PDSS1: variants seen among roughly 807,000 people sequenced by gnomAD.
PDSS1 encodes the protein decaprenyl diphosphate synthase subunit 1.
PDSS1 carries 43 observed loss-of-function variants against 57.5 expected under a neutral mutation model. The ratio of observed to expected loss-of-function variants is 0.75; its 90% CI spans 0.59 to 0.96. The LOEUF is 0.96. Ranked by LOEUF, PDSS1 falls within the 50% of genes least tolerant of loss-of-function variation. The pLI is 0.00. For missense variants in PDSS1, 438 were observed against 527.8 expected, an observed-to-expected ratio of 0.83 and a Z score of 1.67; for synonymous variants, 175 against 191.3, an observed-to-expected ratio of 0.91 and a Z score of 0.70.
At chr10:26,721,545 G>A (rs772549984) in intron 6 of PDSS1, among the ~76,000 whole-genome samples, 7 of 151,866 alleles carry the variant, frequency 4.6e-5, no homozygotes, top group Non-Finnish European at 8.8e-5. Flanking sequence ...TCATTTATAT[G>A]CCTTTTATTT....
chr10:26,720,363 T>C lies in PDSS1; in HGVS notation c.609+4T>C, dbSNP rs750229694. ...TAAGATCTGGGGTGAAAAGAAGGTA[T>C]GGTTTTTTGGTTTTTTTAAAATCTC... is the stretch of plus-strand genomic sequence containing the variant. On this transcript the variant is annotated splice_donor_region_variant and intron_variant, in intron 6 of 11. Transcript: ENST00000376215. 1.6e-5 allele frequency: 25 copies of C among 1,593,114 alleles called. No individual in the cohort carries two copies. The Admixed American group carries it at 3.0e-4, about 19-fold the overall frequency.
At chr10:26,739,390 A>G (rs1273634312) in intron 10 of PDSS1, among the ~76,000 whole-genome samples, 1 of 152,188 alleles carries the variant, frequency 6.6e-6, no homozygotes, top group African/African-American at 2.4e-5. Flanking sequence ...TCTTTTCCAC[A>G]TACACATTAA....
Position 26,697,774 on chromosome 10 carries a change from C to T in PDSS1, c.63C>T (p.Pro21=). ...GCSWKPAARS[P]GPGSPGRAGP... ...CCTGGAAGCCGGCGGCGCGGAGCCC[C>T]GGGCCCGGCTCCCCCGGCCGTGCGG... is the stretch of plus-strand genomic sequence containing the variant. Residue 21 remains proline, a synonymous_variant, in exon 1 of 12, where the codon CCC becomes CCT. Coordinates refer to ENST00000376215, the MANE Select transcript of PDSS1 (RefSeq NM_014317.5). 7.7e-7 allele frequency: 1 copy of T among 1,295,484 alleles called. No individual in the cohort carries two copies. The highest frequency in any genetic ancestry group is 9.7e-7 in the Non-Finnish European group (1 of 1,026,960). 80.2% of individuals were successfully genotyped at this position (1,295,484 alleles called of 1,614,324 possible).
intron 1 of PDSS1, 80 bp downstream of exon 1, chr10:26,697,920 G>A (rs558132539): frequency 5.1e-6 from 6 of 1,185,152 alleles, no homozygotes; most frequent in South Asian, 3.1e-5. Flanking sequence ...GAATGGGAGC[G>A]GGGAGCACGT....
intron 6 of PDSS1, among the ~76,000 whole-genome samples, chr10:26,721,259 A>ACT (rs1835771573): frequency 6.6e-6 from 1 of 151,496 alleles, no homozygotes; most frequent in African/African-American, 2.4e-5. Flanking sequence ...ATATCACACT[A>ACT]CTGCACTCCA....
chr10:26,699,426 A>C (rs1425713547), intron 1 of PDSS1, among the ~76,000 whole-genome samples: 3 of 141,070 alleles, frequency 2.1e-5, no homozygotes, highest in African/African-American at 8.0e-5. Flanking sequence ...ACAGAGTCTC[A>C]CTCTGTCGCC....
intron 5 of PDSS1, among the ~76,000 whole-genome samples, chr10:26,718,288 C>A (rs1835665919): frequency 6.6e-6 from 1 of 151,972 alleles, no homozygotes; most frequent in Non-Finnish European, 1.5e-5. Context: ...AGTGATCCGC[C>A]CGCCTCAGCC....
chr10:26,735,332 T>C lies in PDSS1; in HGVS notation c.912+12T>C. On this transcript the variant is annotated intron_variant, in intron 9 of 11. Transcript: ENST00000376215. ...GAATAGCTTTTCAGGTTAGTATGCT[T>C]TTTATTTGTAAGAATGGTGGCGTAG... 6.3e-7 allele frequency: 1 copy of C among 1,585,120 alleles called. No individual in the cohort carries two copies. The highest frequency in any genetic ancestry group is 8.7e-7 in the Non-Finnish European group (1 of 1,153,556).
intron 9 of PDSS1, 46 bp downstream of exon 9, chr10:26,735,366 T>C (rs893043176): frequency 1.8e-5 from 25 of 1,409,366 alleles, no homozygotes; most frequent in Non-Finnish European, 2.3e-5. Context: ...AGTGATACAG[T>C]CAGCATTCTC....
chr10:26,746,132 T>C (rs1836880755), intron 11 of PDSS1, among the ~76,000 whole-genome samples: 2 of 152,164 alleles, frequency 1.3e-5, no homozygotes, highest in African/African-American at 2.4e-5. Flanking sequence ...GAATAAAAAT[T>C]TGCTTCAATA....
At chr10:26,710,905 C>A (rs1835394136) in intron 5 of PDSS1, among the ~76,000 whole-genome samples, 1 of 99,120 alleles carries the variant, frequency 1.0e-5, no homozygotes. Context: ...ATCTATCAGT[C>A]CCTGGATGTG....
At chr10:26,706,297 G>A (rs918561825) in intron 4 of PDSS1, among the ~76,000 whole-genome samples, 2 of 152,156 alleles carry the variant, frequency 1.3e-5, no homozygotes, top group Non-Finnish European at 2.9e-5. Context: ...GGCTGGGCAC[G>A]GTGGATCACA....
chr10:26,707,270 G>A (rs1156323186), intron 4 of PDSS1, among the ~76,000 whole-genome samples: 2 of 152,150 alleles, frequency 1.3e-5, no homozygotes, highest in Non-Finnish European at 2.9e-5. Flanking sequence ...TAGTGTGCAT[G>A]GTTGAGCCGA....
chr10:26,700,451 G>A (rs1835014443), intron 1 of PDSS1, among the ~76,000 whole-genome samples: 1 of 152,086 alleles, frequency 6.6e-6, no homozygotes, highest in South Asian at 2.1e-4. Flanking sequence ...GTTTGGCTCT[G>A]TGTGCCCACC....
At chr10:26,724,175 G>C (rs753857978) in intron 8 of PDSS1, 52 bp downstream of exon 8, 1 of 1,253,964 alleles carries the variant, frequency 8.0e-7, no homozygotes, top group Non-Finnish European at 1.2e-6. Flanking sequence ...TCTTTTTTGG[G>C]AGCTAATTTT....
chr10:26,713,555 A>T (rs1220368530), intron 5 of PDSS1, among the ~76,000 whole-genome samples: 1 of 151,848 alleles, frequency 6.6e-6, no homozygotes, highest in Admixed American at 6.6e-5. Context: ...AATTTTGTGT[A>T]TATTTGGATT....
chr10:26,728,558 A>G (rs1388978236), intron 8 of PDSS1, among the ~76,000 whole-genome samples: 1 of 152,008 alleles, frequency 6.6e-6, no homozygotes, highest in East Asian at 1.9e-4. Context: ...ATTTTGGGCA[A>G]AGTATTTTCA....
At chr10:26,716,172 AG>A (rs1333591431) in intron 5 of PDSS1, among the ~76,000 whole-genome samples, 2 of 152,200 alleles carry the variant, frequency 1.3e-5, no homozygotes, top group African/African-American at 4.8e-5. Flanking sequence ...TGGAGCTCAC[AG>A]GCTTCCTCCC....
chr10:26,705,805 C>T (rs185462915), intron 4 of PDSS1, among the ~76,000 whole-genome samples: 75 of 152,270 alleles, frequency 4.9e-4, no homozygotes, highest in African/African-American at 1.5e-3. Flanking sequence ...TCTTGATTGA[C>T]GTATGGTCAA....
Sources: allele counts gnomAD v4.1 joint callset (sites outside exome capture counted in the v4.1 genomes callset), GRCh38; gene constraint gnomAD v4.1.1; transcripts MANE v1.5; gene names NCBI Gene and HGNC (gene_info 2026-07-23, HGNC 2026-07-21).